Variants in RUNX1 observed in about 807,000 individuals in gnomAD.
The protein encoded by RUNX1 is runt-related transcription factor 1.
In RUNX1, 19 loss-of-function variants were observed where a neutral mutation model predicts 42.8. That is an observed-to-expected ratio of 0.44 (90% CI 0.31 to 0.65). The LOEUF (loss-of-function observed/expected upper bound fraction) is 0.65, where lower values mean the gene tolerates loss of function less well. Among genes scored for constraint, RUNX1 ranks in the 30% least tolerant of loss-of-function variants. The probability of loss-of-function intolerance (pLI) is 0.07; values close to 1 mark genes in which losing one functional copy is unlikely to be tolerated. For missense variants in RUNX1, 528 were observed against 672.0 expected, an observed-to-expected ratio of 0.79 and a Z score of 2.37; for synonymous variants, 271 against 289.4, an observed-to-expected ratio of 0.94 and a Z score of 0.64.
At chr21:34,809,838 AG>A (rs1278841259) in intron 7 of RUNX1, among the ~76,000 whole-genome samples, 1 of 152,198 alleles carries the variant, frequency 6.6e-6, no homozygotes, top group Admixed American at 6.5e-5. Flanking sequence ...AGAAAAAAAA[AG>A]AAGTGACTTT....
intron 2 of RUNX1, among the ~76,000 whole-genome samples, chr21:35,015,851 G>T (rs913227463): frequency 6.6e-5 from 10 of 152,214 alleles, no homozygotes; most frequent in African/African-American, 2.4e-4. Flanking sequence ...AAGGTCAAGA[G>T]CTAGTTAATG....
chr21:34,967,555 T>C (rs2058730585), intron 2 of RUNX1, among the ~76,000 whole-genome samples: 1 of 151,720 alleles, frequency 6.6e-6, no homozygotes, highest in Non-Finnish European at 1.5e-5. Context: ...AAGAGTCTGG[T>C]GTTAAGTTGA....
At chr21:34,913,242 AAGAAGG>A (rs796474477) in intron 2 of RUNX1, among the ~76,000 whole-genome samples, 114 of 152,190 alleles carry the variant, frequency 7.5e-4, no homozygotes, top group Middle Eastern at 3.4e-3. Context: ...CAAAAAGAAG[AAGAAGG>A]AGAAGGAGAA....
At chr21:35,000,487 A>G (rs1423054619) in intron 2 of RUNX1, among the ~76,000 whole-genome samples, 1 of 151,880 alleles carries the variant, frequency 6.6e-6, no homozygotes, top group Admixed American at 6.6e-5. Flanking sequence ...TGATCTGCCC[A>G]CCTCGGCCTC....
intron 2 of RUNX1, among the ~76,000 whole-genome samples, chr21:34,970,261 C>T (rs1017330018): frequency 9.9e-5 from 15 of 152,180 alleles, no homozygotes; most frequent in African/African-American, 1.7e-4. Context: ...TGTCAGGAGA[C>T]GTGGTGGAGA....
intron 2 of RUNX1, among the ~76,000 whole-genome samples, chr21:35,046,030 C>T (rs189892149): frequency 6.6e-6 from 1 of 152,342 alleles, no homozygotes; most frequent in Non-Finnish European, 1.5e-5. Context: ...TTCCTCCCCA[C>T]ACCTACCTCA....
chr21:34,995,873 C>G (rs1400033677), intron 2 of RUNX1, among the ~76,000 whole-genome samples: 2 of 152,154 alleles, frequency 1.3e-5, no homozygotes, highest in African/African-American at 4.8e-5. Flanking sequence ...CTCTCCTCTG[C>G]CTCTTCGAAT....
chr21:34,927,662 C>T (rs78824321), intron 2 of RUNX1, among the ~76,000 whole-genome samples: 1,844 of 152,230 alleles, frequency 0.012, 19 homozygotes, highest in East Asian at 0.033. Flanking sequence ...AGCTTGCAAG[C>T]GCAGAGCACC....
At chr21:34,801,029 T>C (rs1430918891) in intron 7 of RUNX1, among the ~76,000 whole-genome samples, 1 of 152,036 alleles carries the variant, frequency 6.6e-6, no homozygotes, top group African/African-American at 2.4e-5. Context: ...CAGCTAACAG[T>C]GTTTCCAATG....
At chr21:34,850,753 G>A (rs797017361) in intron 6 of RUNX1, among the ~76,000 whole-genome samples, 1 of 151,682 alleles carries the variant, frequency 6.6e-6, no homozygotes, top group Non-Finnish European at 1.5e-5. Flanking sequence ...AACACAAAAC[G>A]AAATCCAGAA....
At chr21:34,998,943 C>T (rs2059019470) in intron 2 of RUNX1, among the ~76,000 whole-genome samples, 1 of 152,238 alleles carries the variant, frequency 6.6e-6, no homozygotes, top group Non-Finnish European at 1.5e-5. Flanking sequence ...CAAAACCATT[C>T]TCTTTGAAGG....
chr21:34,930,297 A>ATATATGT (rs1569110430), intron 2 of RUNX1, among the ~76,000 whole-genome samples: 13 of 131,042 alleles, frequency 9.9e-5, no homozygotes, highest in African/African-American at 4.7e-4. Flanking sequence ...TATATAAATA[A>ATATATGT]ATAAATAAAA....
chr21:34,874,001 C>A (rs1469830287), intron 5 of RUNX1, among the ~76,000 whole-genome samples: 2 of 152,182 alleles, frequency 1.3e-5, no homozygotes, highest in Non-Finnish European at 1.5e-5. Context: ...ACACTGCTCA[C>A]TTATTAATTT....
At chr21:34,887,318 C>A in intron 3 of RUNX1, 1 of 1,456,418 alleles carries the variant, frequency 6.9e-7, no homozygotes, top group African/African-American at 1.4e-5. Flanking sequence ...CGTTCTGGTT[C>A]TGCGGATCGG....
At chr21:34,932,663 T>C (rs1037298483) in intron 2 of RUNX1, among the ~76,000 whole-genome samples, 2 of 152,206 alleles carry the variant, frequency 1.3e-5, no homozygotes, top group Non-Finnish European at 2.9e-5. Flanking sequence ...CTACTGAGGT[T>C]ACTAACTCAA....
chr21:34,856,557 A>C, intron 6 of RUNX1: 1 of 437,320 alleles, frequency 2.3e-6, no homozygotes, highest in East Asian at 5.8e-5. Flanking sequence ...GACATCAGGA[A>C]CTCCTCATTC....
At chr21:34,966,110 A>G in intron 2 of RUNX1, among the ~76,000 whole-genome samples, 1 of 152,166 alleles carries the variant, frequency 6.6e-6, no homozygotes, top group South Asian at 2.1e-4. Flanking sequence ...TCATCTGCAC[A>G]CTTCTATACA....
intron 2 of RUNX1, among the ~76,000 whole-genome samples, chr21:35,037,490 T>C (rs1024766030): frequency 1.3e-5 from 2 of 152,214 alleles, no homozygotes; most frequent in South Asian, 4.1e-4. Context: ...CTCCTGTCCA[T>C]GGGGCCTTGG....
Position 34,893,616 on chromosome 21 carries a change from A to G in RUNX1, c.59-653T>C, listed in dbSNP as rs575904795. On this transcript the variant is annotated intron_variant, in intron 2 of 8. Coordinates refer to ENST00000675419, the MANE Select transcript of RUNX1 (RefSeq NM_001754.5). ...TCTTTCCTTTGAATATCTACATATAATGTTGTGAATTTGAAATTACTCTAT... is the reference window on the plus strand; with the variant it reads ...TCTTTCCTTTGAATATCTACATATAGTGTTGTGAATTTGAAATTACTCTAT... 7.4e-4 allele frequency among the ~76,000 whole-genome samples: 113 copies of G among 152,274 alleles called. 1 individual carries two copies. Among genetic ancestry groups the G allele is most frequent in the Non-Finnish European group, 1.2e-3 (85 of 68,008 alleles).
Sources: gnomAD v4.1 joint callset for allele counts (sites outside exome capture counted in the v4.1 genomes callset) on GRCh38, gnomAD v4.1.1 for gene constraint, MANE v1.5 for transcripts, NCBI Gene and HGNC (gene_info 2026-07-23, HGNC 2026-07-21) for gene names.